LONP2: variants seen among roughly 807,000 people sequenced by gnomAD.
LONP2 encodes the protein lon protease homolog 2, peroxisomal.
LONP2 carries 60 observed loss-of-function variants against 85.6 expected under a neutral mutation model. That is an observed-to-expected ratio of 0.70 (90% CI 0.57 to 0.87). The LOEUF (loss-of-function observed/expected upper bound fraction) is 0.87. LONP2 is among the 40% of genes least tolerant of loss of function. The probability of loss-of-function intolerance (pLI) is 0.00; values close to 1 mark genes in which losing one functional copy is unlikely to be tolerated. For missense variants in LONP2, 860 were observed against 1,063.5 expected (o/e 0.81, Z 2.66); for synonymous variants, 395 against 389.7 (o/e 1.01, Z -0.16).
Position 48,244,663 on chromosome 16 carries a change from C to T in LONP2, c.233+42C>T, listed in dbSNP as rs980693453. 62 of 1,297,192 alleles carry T rather than the reference C, an allele frequency of 4.8e-5. No individual in the cohort carries two copies. In the African/African-American group the frequency reaches 7.2e-4, roughly 15 times the overall value. The allele number at this position is 1,297,192 out of a possible 1,614,324, so 80.4% of individuals were successfully genotyped here. A position where few individuals can be genotyped will look rare whatever the true frequency, so the allele number is the denominator to read the frequency against. ...CCGCGGCGGCGGCGGGCGGCGCGGC[C>T]TCCTCCGGGGACCTGGGCCCAGGCC... On this transcript the variant is annotated intron_variant, in intron 1 of 14. Transcript: ENST00000285737.
At chr16:48,320,493 G>C (rs1208552537) in intron 11 of LONP2, among the ~76,000 whole-genome samples, 1 of 151,598 alleles carries the variant, frequency 6.6e-6, no homozygotes, top group Non-Finnish European at 1.5e-5. Context: ...AGTGTTGTTA[G>C]AGCTAATTGG....
chr16:48,333,682 A>G (rs548824371), intron 11 of LONP2, among the ~76,000 whole-genome samples: 6 of 146,476 alleles, frequency 4.1e-5, no homozygotes, highest in South Asian at 4.6e-4. Context: ...GAGAGAGAGA[A>G]AGAGAGAGAG....
intron 8 of LONP2, among the ~76,000 whole-genome samples, chr16:48,278,656 C>T (rs1285463496): frequency 6.6e-6 from 1 of 152,164 alleles, no homozygotes; most frequent in African/African-American, 2.4e-5. Context: ...CCATTCAGTT[C>T]CTATCCTTGC....
chr16:48,314,797 T>C (rs1973107778), intron 11 of LONP2, among the ~76,000 whole-genome samples: 2 of 152,230 alleles, frequency 1.3e-5, no homozygotes, highest in African/African-American at 4.8e-5. Context: ...TCTTAAAATT[T>C]TGTTTTCTAA....
At chr16:48,250,272 A>G (rs1174436635) in intron 1 of LONP2, among the ~76,000 whole-genome samples, 2 of 151,320 alleles carry the variant, frequency 1.3e-5, no homozygotes, top group African/African-American at 4.9e-5. Flanking sequence ...CATGAGGTCA[A>G]GAGATCGAGA....
chr16:48,249,831 T>C (rs374091475), intron 1 of LONP2, among the ~76,000 whole-genome samples: 8 of 152,250 alleles, frequency 5.3e-5, no homozygotes, highest in East Asian at 3.8e-4. Flanking sequence ...TAGTATAAAT[T>C]CAGCTTAATC....
intron 8 of LONP2, among the ~76,000 whole-genome samples, chr16:48,285,280 T>C (rs760239585): frequency 6.6e-6 from 1 of 152,178 alleles, no homozygotes; most frequent in Non-Finnish European, 1.5e-5. Flanking sequence ...TATTCTCTCT[T>C]TGTCTTTCAT....
At chr16:48,276,819 T>G (rs1440433672) in intron 7 of LONP2, among the ~76,000 whole-genome samples, 2 of 152,134 alleles carry the variant, frequency 1.3e-5, no homozygotes, top group Non-Finnish European at 2.9e-5. Flanking sequence ...TAAAAGAGAT[T>G]GGAGTTTTTC....
chr16:48,334,826 C>A, intron 12 of LONP2: 2 of 531,236 alleles, frequency 3.8e-6, no homozygotes, highest in East Asian at 1.0e-4. Flanking sequence ...GATGGTCTGG[C>A]CTGTGAGGGT....
chr16:48,254,368 T>C (rs1971713738), intron 2 of LONP2, among the ~76,000 whole-genome samples: 1 of 151,720 alleles, frequency 6.6e-6, no homozygotes, highest in African/African-American at 2.4e-5. Flanking sequence ...TCTCTGATTT[T>C]TTTTTTTTTT....
intron 4 of LONP2, among the ~76,000 whole-genome samples, chr16:48,261,043 A>C (rs894593205): frequency 3.9e-5 from 6 of 152,148 alleles, no homozygotes; most frequent in African/African-American, 1.2e-4. Flanking sequence ...ATAAAATGGA[A>C]TTTTTTTCAG....
chr16:48,312,531 A>G (rs569760611), intron 11 of LONP2, among the ~76,000 whole-genome samples: 1 of 152,240 alleles, frequency 6.6e-6, no homozygotes, highest in African/African-American at 2.4e-5. Flanking sequence ...TTCAGGGTGC[A>G]TTCAGTGACA....
chr16:48,267,813 ACCATG>A (rs1251049755), intron 6 of LONP2, among the ~76,000 whole-genome samples: 1 of 151,876 alleles, frequency 6.6e-6, no homozygotes, highest in Non-Finnish European at 1.5e-5. Flanking sequence ...ATGGGGTTTC[ACCATG>A]TTGGCCAGGC....
chr16:48,297,452 G>T (rs534865664), intron 9 of LONP2, among the ~76,000 whole-genome samples: 4 of 152,078 alleles, frequency 2.6e-5, no homozygotes, highest in Non-Finnish European at 5.9e-5. Flanking sequence ...TGGGACTACA[G>T]GTGTGCACCA....
chr16:48,325,675 C>T (rs923804502), intron 11 of LONP2, among the ~76,000 whole-genome samples: 2 of 152,186 alleles, frequency 1.3e-5, no homozygotes, highest in Admixed American at 6.5e-5. Context: ...TGGATGCTTA[C>T]GTTGATTCCA....
chr16:48,358,847 A>G (rs1960469750), downstream of LONP2, among the ~76,000 whole-genome samples: 1 of 152,202 alleles, frequency 6.6e-6, no homozygotes, highest in Non-Finnish European at 1.5e-5. Context: ...TGGAAAAATA[A>G]AAATGTCACC....
At chr16:48,304,440 A>T (rs1457301632) in intron 11 of LONP2, among the ~76,000 whole-genome samples, 1 of 152,226 alleles carries the variant, frequency 6.6e-6, no homozygotes, top group African/African-American at 2.4e-5. Flanking sequence ...ACAGTGGCTC[A>T]TGCCTTTGAT....
At chr16:48,252,084 C>G (rs1184571844) in intron 1 of LONP2, 47 bp from the exon 2 acceptor site, 8 of 1,361,498 alleles carry the variant, frequency 5.9e-6, no homozygotes, top group Non-Finnish European at 7.9e-6. Flanking sequence ...AGTTTCTGTT[C>G]TACCGTATTG....
intron 6 of LONP2, among the ~76,000 whole-genome samples, chr16:48,265,741 T>C (rs1271383224): frequency 6.6e-6 from 1 of 152,246 alleles, no homozygotes; most frequent in African/African-American, 2.4e-5. Context: ...GATTTTTAAA[T>C]CTATTTTTGT....
Sources: gnomAD v4.1 joint callset for allele counts (sites outside exome capture counted in the v4.1 genomes callset) on GRCh38, gnomAD v4.1.1 for gene constraint, MANE v1.5 for transcripts, NCBI Gene and HGNC (gene_info 2026-07-23, HGNC 2026-07-21) for gene names.